PTPRD: variants seen among roughly 807,000 people sequenced by gnomAD.
PTPRD encodes receptor-type tyrosine-protein phosphatase delta.
Under a neutral mutation model 214.5 loss-of-function variants are expected in PTPRD, and 34 were observed. The ratio of observed to expected loss-of-function variants is 0.16; its 90% confidence interval spans 0.12 to 0.21. PTPRD has a LOEUF of 0.21. PTPRD is among the 10% of genes least tolerant of loss of function. The pLI is 1.00. For synonymous variants in PTPRD, 1,128 were observed against 845.7 expected, an observed-to-expected ratio of 1.33 and a Z score of -5.79; for missense variants, 2,545 against 2,398.7, an observed-to-expected ratio of 1.06 and a Z score of -1.27.
chr9:9,787,591 G>C (rs982854570), intron 5 of PTPRD, among the ~76,000 whole-genome samples: 8 of 151,874 alleles, frequency 5.3e-5, no homozygotes, highest in African/African-American at 1.9e-4. Context: ...AAAGAAGATT[G>C]AGGAATGGAG....
chr9:8,800,034 A>G (rs1030760800), intron 11 of PTPRD, among the ~76,000 whole-genome samples: 3 of 152,018 alleles, frequency 2.0e-5, no homozygotes, highest in Admixed American at 6.6e-5. Context: ...TCCATGAGTT[A>G]CAAAAAGTAT....
At chr9:10,432,342 C>T (rs1460915503) in intron 2 of PTPRD, among the ~76,000 whole-genome samples, 2 of 149,958 alleles carry the variant, frequency 1.3e-5, no homozygotes, top group South Asian at 2.1e-4. Flanking sequence ...TGCTAGATGA[C>T]GATTTAGTGG....
At chr9:9,525,838 G>A (rs1298322660) in intron 8 of PTPRD, among the ~76,000 whole-genome samples, 1 of 150,752 alleles carries the variant, frequency 6.6e-6, no homozygotes, top group Non-Finnish European at 1.5e-5. Context: ...TACAAACAGG[G>A]ACACATGTGT....
intron 4 of PTPRD, among the ~76,000 whole-genome samples, chr9:9,973,339 G>A (rs1347172464): frequency 6.6e-6 from 1 of 151,030 alleles, no homozygotes; most frequent in African/African-American, 2.4e-5. Context: ...AGGTGTGGTC[G>A]CTTGCGTCTG....
intron 27 of PTPRD, among the ~76,000 whole-genome samples, chr9:8,491,730 T>G (rs2097154863): frequency 6.6e-6 from 1 of 151,590 alleles, no homozygotes; most frequent in Non-Finnish European, 1.5e-5. Flanking sequence ...TCCTGCTGTT[T>G]GAGGCAATTC....
chr9:9,540,522 C>T (rs953495564), intron 8 of PTPRD, among the ~76,000 whole-genome samples: 2 of 151,742 alleles, frequency 1.3e-5, no homozygotes, highest in African/African-American at 4.8e-5. Flanking sequence ...CAGGTTGAAA[C>T]AGCCAGAGAC....
chr9:10,106,089 A>G (rs1042669739), intron 3 of PTPRD, among the ~76,000 whole-genome samples: 6 of 151,136 alleles, frequency 4.0e-5, no homozygotes, highest in Non-Finnish European at 8.9e-5. Context: ...TGTGCATAAT[A>G]TACCATGGCA....
At chr9:9,947,506 A>T (rs1172453051) in intron 4 of PTPRD, among the ~76,000 whole-genome samples, 2 of 30,250 alleles carry the variant, frequency 6.6e-5, no homozygotes, top group Non-Finnish European at 1.0e-4. Flanking sequence ...TATATTTTAT[A>T]TATATAATAT....
At chr9:9,639,249 G>A (rs1332060214) in intron 7 of PTPRD, among the ~76,000 whole-genome samples, 1 of 152,096 alleles carries the variant, frequency 6.6e-6, no homozygotes, top group Non-Finnish European at 1.5e-5. Context: ...GTAGACTCTA[G>A]GATTGTTTCT....
Position 9,227,417 on chromosome 9 carries a change from G to A in PTPRD, c.-202-44054C>T, listed in dbSNP as rs930820471. Among the ~76,000 whole-genome samples the A allele has an allele frequency of 3.3e-5, 5 of 152,066 alleles. No homozygotes were observed. In the South Asian group the frequency reaches 1.0e-3, roughly 31 times the overall value. ...TATCTCCAGGTCTGAAATCCCATCA[G>A]CTATCTGGCCCTGGCTTCCTCCTAC... On this transcript the variant is annotated intron_variant, in intron 9 of 45. Coordinates refer to ENST00000381196, the MANE Select transcript of PTPRD (RefSeq NM_002839.4).
chr9:8,339,151 T>G, intron 42 of PTPRD, 104 bp from the exon 43 acceptor site: 2 of 1,243,874 alleles, frequency 1.6e-6, no homozygotes, highest in Admixed American at 3.0e-5. Flanking sequence ...ATCCCATTAA[T>G]AAAATTTCAA....
intron 8 of PTPRD, among the ~76,000 whole-genome samples, chr9:9,563,299 GAACTACCTTATGGATAGACTATTAT>G (rs1262699908): frequency 6.6e-6 from 1 of 152,068 alleles, no homozygotes; most frequent in African/African-American, 2.4e-5. Context: ...CTTCATTTGG[GAACTACCTTATGGATAGACTATTAT>G]AAGGTGGGAT....
At chr9:9,190,645 C>G (rs1199028492) in intron 9 of PTPRD, among the ~76,000 whole-genome samples, 3 of 152,030 alleles carry the variant, frequency 2.0e-5, no homozygotes, top group Admixed American at 2.0e-4. Flanking sequence ...GACACTAATA[C>G]CTTGACATTA....
At chr9:10,334,134 C>CT (rs2096800539) in intron 3 of PTPRD, among the ~76,000 whole-genome samples, 6 of 151,206 alleles carry the variant, frequency 4.0e-5, no homozygotes, top group African/African-American at 1.5e-4. Flanking sequence ...TAAGTATACA[C>CT]AATATACTAA....
At chr9:9,153,981 C>T (rs1448542032) in intron 10 of PTPRD, among the ~76,000 whole-genome samples, 1 of 152,106 alleles carries the variant, frequency 6.6e-6, no homozygotes, top group African/African-American at 2.4e-5. Context: ...ACTTCCCTGC[C>T]CTGTTGACAT....
At chr9:8,997,336 A>G (rs1281854021) in intron 11 of PTPRD, among the ~76,000 whole-genome samples, 1 of 152,094 alleles carries the variant, frequency 6.6e-6, no homozygotes, top group Admixed American at 6.6e-5. Context: ...TTTTCTCAAA[A>G]GTATGTGTTC....
At chr9:9,587,965 G>C (rs1167062512) in intron 7 of PTPRD, among the ~76,000 whole-genome samples, 1 of 151,936 alleles carries the variant, frequency 6.6e-6, no homozygotes, top group East Asian at 1.9e-4. Flanking sequence ...TCTAGCAACA[G>C]TATTTTGTAT....
intron 39 of PTPRD, among the ~76,000 whole-genome samples, chr9:8,352,524 T>C (rs926054356): frequency 1.3e-5 from 2 of 152,190 alleles, no homozygotes; most frequent in African/African-American, 4.8e-5. Context: ...GCCTGCCAAG[T>C]AAAGCTGCGT....
chr9:10,107,664 C>G (rs762061518), intron 3 of PTPRD, among the ~76,000 whole-genome samples: 2 of 152,014 alleles, frequency 1.3e-5, no homozygotes, highest in African/African-American at 4.8e-5. Context: ...AAGTTTAATC[C>G]AGATACATTG....
Sources: allele counts gnomAD v4.1 joint callset (sites outside exome capture counted in the v4.1 genomes callset), GRCh38; gene constraint gnomAD v4.1.1; transcripts MANE v1.5; gene names NCBI Gene and HGNC (gene_info 2026-07-23, HGNC 2026-07-21).